DHX37: variants seen among roughly 807,000 people sequenced by gnomAD.
The protein encoded by DHX37 is DEAH-box helicase 37.
In DHX37, 52 loss-of-function variants were observed where a neutral mutation model predicts 134.3. The observed-to-expected ratio is 0.39, with a 90% CI of 0.31 to 0.49. DHX37 has a LOEUF of 0.49. Ranked by LOEUF, DHX37 falls within the 20% of genes least tolerant of loss-of-function variation. The pLI is 0.93. For missense variants in DHX37, 1,344 were observed against 1,580.8 expected, an observed-to-expected ratio of 0.85 and a Z score of 2.54; for synonymous variants, 634 against 670.7, an observed-to-expected ratio of 0.95 and a Z score of 0.85.
chr12:124,985,787 G>C (rs1238276723), intron 2 of DHX37, among the ~76,000 whole-genome samples: 1 of 146,294 alleles, frequency 6.8e-6, no homozygotes, highest in African/African-American at 2.5e-5. Flanking sequence ...GTCGGGGGTG[G>C]GGGAACAAAA....
chr12:124,969,003 G>A (rs1954461080), intron 8 of DHX37, 35 bp from the exon 9 acceptor site: 4 of 1,599,542 alleles, frequency 2.5e-6, no homozygotes, highest in Non-Finnish European at 3.4e-6. Flanking sequence ...CGTGGCCCCA[G>A]GACCGCAGGT....
intron 2 of DHX37, 61 bp from the exon 3 acceptor site, chr12:124,982,684 G>C (rs1954782713): frequency 4.4e-6 from 7 of 1,582,226 alleles, no homozygotes; most frequent in Admixed American, 3.5e-5. Flanking sequence ...AAGAAGGGAA[G>C]TGAGACTGTA....
intron 10 of DHX37, among the ~76,000 whole-genome samples, chr12:124,967,808 C>T (rs1446739962): frequency 6.6e-6 from 1 of 152,186 alleles, no homozygotes; most frequent in Non-Finnish European, 1.5e-5. Context: ...GTGGCTCACA[C>T]TTGTAATTCC....
chr12:124,979,178 G>C (rs1412310418), intron 4 of DHX37, among the ~76,000 whole-genome samples: 2 of 152,070 alleles, frequency 1.3e-5, no homozygotes, highest in Admixed American at 1.3e-4. Context: ...ACCAGCCTGG[G>C]CAACATGGCA....
rs554918664 is a variant in DHX37, at chr12:124,960,185, A to T, written c.2157+127T>A. 18 of 1,459,442 alleles carry T rather than the reference A, an allele frequency of 1.2e-5. No individual in the cohort carries two copies. In the African/African-American group the frequency reaches 2.4e-4, roughly 19 times the overall value. 90.4% of individuals were successfully genotyped at this position (1,459,442 alleles called of 1,614,324 possible). ...CCAGAAGCCCTGGGAGCACCTGCTGATGCACTGTTGTGTAAGCAGCTGCCG... is the reference window on the plus strand; with the variant it reads ...CCAGAAGCCCTGGGAGCACCTGCTGTTGCACTGTTGTGTAAGCAGCTGCCG... On this transcript the variant is annotated intron_variant, in intron 16 of 26. Coordinates refer to ENST00000308736, the MANE Select transcript of DHX37 (RefSeq NM_032656.4).
At position 124,964,461 on chromosome 12, in the gene DHX37, C is replaced by T; in HGVS notation, c.1978G>A (p.Val660Ile). 5.0e-6 allele frequency: 8 copies of T among 1,614,194 alleles called. No individual in the cohort carries two copies. Among genetic ancestry groups the T allele is most frequent in the Middle Eastern group, 1.6e-4 (1 of 6,062 alleles). Reference protein sequence around the residue: ...TGVSSFRVTWVSQASADQRAG... With the variant: ...TGVSSFRVTWISQASADQRAG... ...CGCTGGTCAGCTGATGCCTGGGAGA[C>T]CCAGGTGACACGGAAGGAGGATACG... The change falls in exon 15 of 27, where the codon GTC becomes ATC. Residue 660 changes from valine (V) to isoleucine (I), a missense_variant. Physicochemically the swap from Val to Ile is conservative, Grantham distance 29. Around this residue, in one of 7 missense-constraint regions of DHX37, gnomAD observed 39 missense variants for 87.9 expected, o/e 0.44. Coordinates refer to ENST00000308736, the MANE Select transcript of DHX37 (RefSeq NM_032656.4).
chr12:124,968,857 C>G lies in DHX37; in HGVS notation c.1293+10G>C, dbSNP rs749400695. ...TCCAAGCTCACAGAGGACATGGGAC[C>G]CTGTGTTACCTTGATGACCGGCGGC... On this transcript the variant is annotated intron_variant, in intron 9 of 26. Coordinates refer to ENST00000308736, the MANE Select transcript of DHX37 (RefSeq NM_032656.4). 1 of 1,613,930 alleles carries G rather than the reference C, an allele frequency of 6.2e-7. No individual in the cohort carries two copies. The highest frequency in any genetic ancestry group is 8.5e-7 in the Non-Finnish European group (1 of 1,179,936).
chr12:124,961,288 T>A (rs61942950), intron 15 of DHX37, among the ~76,000 whole-genome samples: 38,106 of 100,258 alleles, frequency 0.38, 5,368 homozygotes, highest in East Asian at 0.62. Flanking sequence ...GCACACACAC[T>A]TACACGCGTG....
rs774873813 is a variant in DHX37, at chr12:124,966,868, G to A, written c.1515C>T (p.Asp505=). Residue 505 remains aspartate (D), a synonymous_variant, in exon 12 of 27, where the codon GAC becomes GAT. Transcript: ENST00000308736. The part of the protein sequence containing the change: ...PSRARPQEKD[D]DQKDSVEEMR... ...TTTCCTCCACCGAGTCTTTCTGATC[G>A]TCGTCCTTTTCTGGGAGAGGGGCAG... 4 of 1,614,224 alleles carry A rather than the reference G, an allele frequency of 2.5e-6. No homozygotes were observed. The highest frequency in any genetic ancestry group is 1.7e-5 in the Admixed American group (1 of 60,020).
chr12:124,980,696 C>T lies in DHX37; in HGVS notation c.532G>A (p.Glu178Lys). 6.3e-7 allele frequency: 1 copy of T among 1,575,560 alleles called. No homozygotes were observed. The highest frequency in any genetic ancestry group is 8.6e-7 in the Non-Finnish European group (1 of 1,162,078). ...ESESELEEES[E>K]LDEDPAAEPA... is the part of the protein sequence containing the mutation. ...TCAGCAGCTGGGTCCTCGTCCAGCT[C>T]CGACTCCTCCTCCAGCTCCGATTCC... Residue 178 changes from glutamate to lysine, a missense_variant, in exon 4 of 27, where the codon GAG (glutamate) becomes AAG (lysine). Glu to Lys is a moderately conservative substitution (Grantham distance 56, BLOSUM62 1). Transcript: ENST00000308736. This position sits in a 1 kb window ranked among gnomAD's most constrained non-coding sequence, Gnocchi z 5.3.
chr12:124,954,394 CT>C (rs1265720389), intron 18 of DHX37, among the ~76,000 whole-genome samples, 183 bp from the exon 19 acceptor site: 9 of 149,284 alleles, frequency 6.0e-5, no homozygotes, highest in Admixed American at 1.3e-4. Flanking sequence ...CACTGTTGTT[CT>C]TTTTTTTTTC....
At chr12:124,966,081 G>T (rs1010846842) in intron 12 of DHX37, among the ~76,000 whole-genome samples, 1 of 152,220 alleles carries the variant, frequency 6.6e-6, no homozygotes, top group African/African-American at 2.4e-5. Flanking sequence ...CATCGGTAGT[G>T]CAACAGGCAA....
intron 16 of DHX37, among the ~76,000 whole-genome samples, chr12:124,960,042 G>A (rs888712451): frequency 3.9e-5 from 6 of 152,232 alleles, no homozygotes; most frequent in Non-Finnish European, 5.9e-5. Context: ...CGTTCTGCAC[G>A]CCCCACGGAC....
At chr12:124,948,445 G>A in intron 25 of DHX37, 3 of 588,750 alleles carry the variant, frequency 5.1e-6, no homozygotes, top group Non-Finnish European at 8.7e-6. Context: ...GCAAGAACTT[G>A]TCTCAAAAAC....
rs200528534 is a variant in DHX37, at chr12:124,953,849, G to A, written c.2695+31C>T. 2.1e-5 allele frequency: 34 copies of A among 1,602,988 alleles called. No homozygotes were observed. The East Asian group carries it at 7.4e-4, about 35-fold the overall frequency. Reference sequence around the variant, plus strand: ...AGTGCCCAGGTCAGGTTGCCCGCCGGGTGCAGCGGCGTGCCGGCACGGGGC... The same window carrying A: ...AGTGCCCAGGTCAGGTTGCCCGCCGAGTGCAGCGGCGTGCCGGCACGGGGC... On this transcript the variant is annotated intron_variant, in intron 20 of 26. Transcript: ENST00000308736.
At position 124,949,846 on chromosome 12, in the gene DHX37, G is replaced by A. The variant is rs1202179331; in HGVS notation, c.3290+140C>T. ...GAGCCGCTGCACAGACCGTGGCTCT[G>A]CAGAGCCTTCAGACCTGAGCACAGA... On this transcript the variant is annotated intron_variant, in intron 25 of 26. Transcript: ENST00000308736. This position sits in a 1 kb window ranked among gnomAD's most constrained non-coding sequence, Gnocchi z 4.0. The A allele has an allele frequency of 5.1e-6, 5 of 986,902 alleles. No homozygotes were observed. Among genetic ancestry groups the A allele is most frequent in the African/African-American group, 4.9e-5 (3 of 61,444 alleles). 61.1% of individuals were successfully genotyped at this position (986,902 alleles called of 1,614,324 possible).
chr12:124,964,053 G>C (rs1210664055), intron 15 of DHX37, among the ~76,000 whole-genome samples: 1 of 151,730 alleles, frequency 6.6e-6, no homozygotes, highest in Non-Finnish European at 1.5e-5. Context: ...AAATTAGCTG[G>C]GCGTGGTGGC....
rs1953924444 is a variant in DHX37, at chr12:124,949,104, C to T, written c.3290+882G>A. Among the ~76,000 whole-genome samples the T allele has an allele frequency of 6.6e-6, 1 of 152,238 alleles. No individual in the cohort carries two copies. The highest frequency in any genetic ancestry group is 2.1e-4 in the South Asian group (1 of 4,826). On this transcript the variant is annotated intron_variant, in intron 25 of 26. Coordinates refer to ENST00000308736, the MANE Select transcript of DHX37 (RefSeq NM_032656.4). This position sits in a 1 kb window ranked among gnomAD's most constrained non-coding sequence, Gnocchi z 4.0. ...CTGCCCACCGAGGCCTCACTCATGT[C>T]CTGCTCTGTCCCTCTGGGGCCGAGC... is the stretch of plus-strand genomic sequence containing the variant.
intron 6 of DHX37, 82 bp downstream of exon 6, chr12:124,975,337 C>T: frequency 1.4e-6 from 2 of 1,413,590 alleles, no homozygotes; most frequent in Non-Finnish European, 9.9e-7. Context: ...ACAGATGCTG[C>T]TCACCTCCTC....
Sources: allele counts gnomAD v4.1 joint callset (sites outside exome capture counted in the v4.1 genomes callset), GRCh38; gene constraint gnomAD v4.1.1; regional missense constraint gnomAD v4.1.1; non-coding constraint Gnocchi (gnomAD v3.1); transcripts MANE v1.5; gene names NCBI Gene and HGNC (gene_info 2026-07-23, HGNC 2026-07-21).